Variants in CYLD observed in about 807,000 individuals in gnomAD.
CYLD encodes ubiquitin carboxyl-terminal hydrolase CYLD.
A neutral mutation model predicts 104.5 loss-of-function variants in CYLD; 26 were observed. The observed-to-expected ratio is 0.25, with a 90% CI of 0.18 to 0.35. The LOEUF (loss-of-function observed/expected upper bound fraction) is 0.35. Among genes scored for constraint, CYLD ranks in the 10% least tolerant of loss-of-function variants. The pLI is 1.00. For missense variants in CYLD, 703 were observed against 1,136.1 expected (o/e 0.62, Z 5.48); for synonymous variants, 385 against 399.9 (o/e 0.96, Z 0.45).
At chr16:50,766,663 A>C (rs1294668993) in intron 5 of CYLD, among the ~76,000 whole-genome samples, 2 of 152,232 alleles carry the variant, frequency 1.3e-5, no homozygotes, top group African/African-American at 4.8e-5. Context: ...GGAGGAGGTC[A>C]AAATATCAAC....
chr16:50,771,184 G>A (rs1402318641), intron 5 of CYLD, among the ~76,000 whole-genome samples: 1 of 148,556 alleles, frequency 6.7e-6, no homozygotes, highest in Non-Finnish European at 1.5e-5. Context: ...CTTACCCTGA[G>A]ACCCTGACAA....
At chr16:50,750,248 G>T in intron 3 of CYLD, 46 bp downstream of exon 3, 1 of 1,603,338 alleles carries the variant, frequency 6.2e-7, no homozygotes, top group Non-Finnish European at 8.5e-7. Context: ...TTGTGTTCAT[G>T]TGTGTCTGTG....
At chr16:50,795,743 A>G (rs1366582426) in intron 18 of CYLD, 1 of 611,582 alleles carries the variant, frequency 1.6e-6, no homozygotes, top group Non-Finnish European at 2.9e-6. Flanking sequence ...TAACATTTGC[A>G]CTAAACAGCG....
At chr16:50,790,880 C>A (rs1971367261) in intron 14 of CYLD, among the ~76,000 whole-genome samples, 1 of 152,048 alleles carries the variant, frequency 6.6e-6, no homozygotes. Context: ...AGACTAATGG[C>A]ATGCTATAGT....
intron 2 of CYLD, among the ~76,000 whole-genome samples, chr16:50,749,108 A>G (rs765404583): frequency 3.3e-5 from 5 of 152,210 alleles, no homozygotes; most frequent in Non-Finnish European, 7.3e-5. Context: ...AGGCTGAGGT[A>G]GGAGGATCAC....
chr16:50,761,754 C>CTATCTATCTATCTATT (rs1451073257), intron 5 of CYLD, among the ~76,000 whole-genome samples: 4 of 152,066 alleles, frequency 2.6e-5, no homozygotes, highest in Non-Finnish European at 4.4e-5. Flanking sequence ...CTATATCTAT[C>CTATCTATCTATCTATT]TATCTATCTA....
Position 50,800,315 on chromosome 16 carries a change from C to T in CYLD, c.*3807C>T, listed in dbSNP as rs1175854787. On this transcript the variant is annotated 3_prime_UTR_variant, in exon 19 of 19. Transcript: ENST00000427738. Reference sequence around the variant, plus strand: ...TCTCGTGACCAGCCAGGTGTGAAATCTGCTAACTGGAAGATCTCAAAGCTT... The same window carrying T: ...TCTCGTGACCAGCCAGGTGTGAAATTTGCTAACTGGAAGATCTCAAAGCTT... 2 of 233,266 alleles carry T rather than the reference C, an allele frequency of 8.6e-6. No homozygotes were observed. Among genetic ancestry groups the T allele is most frequent in the East Asian group, 1.2e-4 (2 of 16,726 alleles). 14.4% of individuals were successfully genotyped at this position (233,266 alleles called of 1,614,324 possible).
chr16:50,782,216 G>A, intron 10 of CYLD, 109 bp from the exon 11 acceptor site: 1 of 893,706 alleles, frequency 1.1e-6, no homozygotes, highest in Non-Finnish European at 1.6e-6. Flanking sequence ...AAAAAATTTT[G>A]CATCAAAATA....
chr16:50,754,626 C>A (rs1966845604), intron 5 of CYLD, among the ~76,000 whole-genome samples: 1 of 148,064 alleles, frequency 6.8e-6, no homozygotes. Flanking sequence ...CCCCTTGCCA[C>A]CCCCCATTCT....
rs1235769101 is a variant in CYLD at position 50,798,672 on chromosome 16, A to G, written c.*2164A>G. 2.1e-5 allele frequency: 5 copies of G among 233,240 alleles called. No individual in the cohort carries two copies. In the East Asian group the frequency reaches 3.0e-4, roughly 14 times the overall value. The allele number at this position is 233,240 out of a possible 1,614,324, so 14.4% of individuals were successfully genotyped here. On this transcript the variant is annotated 3_prime_UTR_variant, in exon 19 of 19. Coordinates refer to ENST00000427738, the MANE Select transcript of CYLD (RefSeq NM_001378743.1). Reference sequence around the variant, plus strand: ...TCCTTTCCTGTAGAAATTAAAACAAAATACAAATTGAGGAAGCTCTGCTAC... The same window carrying G: ...TCCTTTCCTGTAGAAATTAAAACAAGATACAAATTGAGGAAGCTCTGCTAC...
At chr16:50,779,430 T>A (rs1057318369) in intron 8 of CYLD, among the ~76,000 whole-genome samples, 2 of 152,152 alleles carry the variant, frequency 1.3e-5, no homozygotes, top group African/African-American at 4.8e-5. Flanking sequence ...CCGCTGATAA[T>A]AGATTTTTTT....
At chr16:50,795,498 G>A in intron 18 of CYLD, 1 of 702,326 alleles carries the variant, frequency 1.4e-6, no homozygotes, top group South Asian at 1.5e-5. Flanking sequence ...GCAAGGTTGT[G>A]AGGTGTGACT....
rs772431475 is a variant in CYLD, at chr16:50,751,900, G to A, written c.801G>A (p.Val267=). 3 of 1,605,488 alleles carry A rather than the reference G, an allele frequency of 1.9e-6. No homozygotes were observed. Among genetic ancestry groups the A allele is most frequent in the East Asian group, 2.2e-5 (1 of 44,694 alleles). The change falls in exon 4 of 19, where the codon GTG becomes GTA. Residue 267 remains valine, a synonymous_variant. Coordinates refer to ENST00000427738, the MANE Select transcript of CYLD (RefSeq NM_001378743.1). ...GKESLGYFVG[V]DMDNPIGNWD... ...AAAGCTTAGGATATTTTGTTGGTGT[G>A]GACATGGTAAGAAAATTTTGGATTA...
intron 15 of CYLD, 91 bp downstream of exon 15, chr16:50,791,781 C>T (rs924527684): frequency 1.4e-6 from 2 of 1,426,172 alleles, no homozygotes; most frequent in African/African-American, 2.8e-5. Context: ...TTTTAACTAG[C>T]TGAGAAAAGT....
intron 12 of CYLD, chr16:50,786,057 T>C (rs1162519972): frequency 6.6e-6 from 1 of 152,248 alleles, no homozygotes. Flanking sequence ...TTAAACTGAT[T>C]GAATGTGTCT....
chr16:50,755,033 GTATATATACATATATATGTATATA>G (rs1567426596), intron 5 of CYLD, among the ~76,000 whole-genome samples: 299 of 15,804 alleles, frequency 0.019, 33 homozygotes, highest in African/African-American at 0.097. Flanking sequence ...ACATATATAT[GTATATATACATATATATGTATATA>G]TACATATAGA....
chr16:50,772,074 T>G lies in CYLD; in HGVS notation c.914-3092T>G, dbSNP rs558005307. Among the ~76,000 whole-genome samples, 16 of 152,356 alleles carry G rather than the reference T, an allele frequency of 1.1e-4. No individual in the cohort carries two copies. The East Asian group carries it at 3.1e-3, about 29-fold the overall frequency. ...CCATATGCATTTTAGAGTAATCTTG[T>G]GTACATCTATACAAAATCTTCTTGA... On this transcript the variant is annotated intron_variant, in intron 5 of 18. Transcript: ENST00000427738.
chr16:50,751,997 TATATATACACAC>T (rs1181366869), intron 4 of CYLD, 91 bp downstream of exon 4: 8 of 346,870 alleles, frequency 2.3e-5, no homozygotes, highest in Non-Finnish European at 3.6e-5. Flanking sequence ...TATACACACA[TATATATACACAC>T]ATATATATGT....
intron 5 of CYLD, among the ~76,000 whole-genome samples, chr16:50,758,287 G>C (rs1282417576): frequency 6.6e-6 from 1 of 152,192 alleles, no homozygotes. Context: ...AGCCAGCGTG[G>C]CCAGTTTGAG....
Sources: allele counts gnomAD v4.1 joint callset (sites outside exome capture counted in the v4.1 genomes callset), GRCh38; gene constraint gnomAD v4.1.1; transcripts MANE v1.5; gene names NCBI Gene and HGNC (gene_info 2026-07-23, HGNC 2026-07-21).